The following LRRC37A2 variants were observed in gnomAD, a reference collection of about 807,000 sequenced individuals.
The protein encoded by LRRC37A2 is leucine rich repeat containing 37 member A2.
LRRC37A2 carries 9 observed loss-of-function variants against 68.8 expected under a neutral mutation model. That is an observed-to-expected ratio of 0.13 (90% CI 0.08 to 0.23). The LOEUF (loss-of-function observed/expected upper bound fraction) is 0.23. Among genes scored for constraint, LRRC37A2 ranks in the 10% least tolerant of loss-of-function variants. The pLI is 1.00. For missense variants in LRRC37A2, 168 were observed against 950.4 expected, an observed-to-expected ratio of 0.18 and a Z score of 10.82; for synonymous variants, 63 against 367.6, an observed-to-expected ratio of 0.17 and a Z score of 9.48.
chr17:46,806,336 A>G, the LRRC37A2 span, among the ~76,000 whole-genome samples: 1 of 146,332 alleles, frequency 6.8e-6, no homozygotes, highest in African/African-American at 2.5e-5. Flanking sequence ...CAGCCTCCCC[A>G]GTAGCTGGGA....
chr17:46,392,509 TTCTCTCTC>T, the LRRC37A2 span, among the ~76,000 whole-genome samples: 1 of 42,354 alleles, frequency 2.4e-5, no homozygotes, highest in East Asian at 7.5e-4. Flanking sequence ...TTTTCTCTCT[TTCTCTCTC>T]TCTCTCTCTC....
chr17:46,835,996 T>C, the LRRC37A2 span, among the ~76,000 whole-genome samples: 5 of 151,874 alleles, frequency 3.3e-5, 1 homozygote, highest in South Asian at 1.0e-3. Flanking sequence ...GACCTTAAAG[T>C]TATTGTGCCC....
chr17:46,847,453 G>T, the LRRC37A2 span, among the ~76,000 whole-genome samples: 11 of 152,356 alleles, frequency 7.2e-5, no homozygotes, highest in Admixed American at 2.0e-4. Context: ...CAAGGGCATT[G>T]CCAATACAGT....
intron 10 of LRRC37A2, among the ~76,000 whole-genome samples, chr17:46,550,163 A>G (rs1323677647): frequency 3.6e-5 from 1 of 28,004 alleles, no homozygotes; most frequent in Non-Finnish European, 7.9e-5. Flanking sequence ...AAAAAATAAG[A>G]AAATTAGCTG....
the LRRC37A2 span, among the ~76,000 whole-genome samples, chr17:46,770,800 C>T: frequency 6.6e-6 from 1 of 152,220 alleles, no homozygotes; most frequent in Non-Finnish European, 1.5e-5. Context: ...GTGCTCCAGC[C>T]TCCTCACAAC....
exon 10 of LRRC37A2, chr17:46,548,696 G>A: frequency 2.5e-6 from 4 of 1,609,110 alleles, no homozygotes; most frequent in African/African-American, 2.8e-5. Flanking sequence ...GGAAGGCAGA[G>A]CATCAGGAGG....
the LRRC37A2 span, among the ~76,000 whole-genome samples, chr17:46,679,610 T>G: frequency 1.5e-5 from 2 of 135,254 alleles, no homozygotes; most frequent in Non-Finnish European, 3.1e-5. Flanking sequence ...GAGAATTGCT[T>G]GAACCCGGGA....
chr17:46,905,545 G>A, the LRRC37A2 span, among the ~76,000 whole-genome samples: 2 of 152,244 alleles, frequency 1.3e-5, no homozygotes, highest in Admixed American at 1.3e-4. Flanking sequence ...ATGAAGAAGA[G>A]AGCAAGCCCT....
At chr17:46,491,026 C>G in the LRRC37A2 span, among the ~76,000 whole-genome samples, 2 of 150,654 alleles carry the variant, frequency 1.3e-5, no homozygotes, top group Non-Finnish European at 2.9e-5. Flanking sequence ...TCCTGAGTAG[C>G]TGGGACTACA....
chr17:46,845,296 C>T, the LRRC37A2 span, among the ~76,000 whole-genome samples: 1 of 152,050 alleles, frequency 6.6e-6, no homozygotes, highest in Non-Finnish European at 1.5e-5. Context: ...CCTGCTGCTC[C>T]GTGCCACCTG....
chr17:46,972,656 A>G, the LRRC37A2 span, among the ~76,000 whole-genome samples: 2 of 152,206 alleles, frequency 1.3e-5, no homozygotes, highest in African/African-American at 2.4e-5. Flanking sequence ...CTCCCCTGCA[A>G]AGTGAGCCCC....
the LRRC37A2 span, among the ~76,000 whole-genome samples, chr17:46,776,861 C>T: frequency 2.8e-4 from 43 of 152,240 alleles, no homozygotes; most frequent in African/African-American, 1.0e-3. Flanking sequence ...ACTCGGAGAC[C>T]CTTCCTCTGC....
the LRRC37A2 span, among the ~76,000 whole-genome samples, chr17:46,774,104 C>T: frequency 1.3e-5 from 2 of 152,248 alleles, no homozygotes; most frequent in African/African-American, 2.4e-5. Context: ...CGCAAGTCAG[C>T]CCTCTGGCTG....
At chr17:46,730,048 C>T in the LRRC37A2 span, among the ~76,000 whole-genome samples, 1 of 151,976 alleles carries the variant, frequency 6.6e-6, no homozygotes, top group East Asian at 1.9e-4. Context: ...TCTCTGATTC[C>T]TGCAATATTT....
chr17:46,844,879 C>T, the LRRC37A2 span, among the ~76,000 whole-genome samples: 29,761 of 151,322 alleles, frequency 0.2, 3,589 homozygotes, highest in East Asian at 0.5. Flanking sequence ...GAGTTTTGCT[C>T]TTGTTGCCCC....
chr17:46,997,144 A>G, the LRRC37A2 span, among the ~76,000 whole-genome samples: 55 of 152,284 alleles, frequency 3.6e-4, no homozygotes, highest in African/African-American at 9.6e-4. Context: ...TGAGCTCAGG[A>G]GTTCGAGACC....
the LRRC37A2 span, among the ~76,000 whole-genome samples, chr17:46,740,270 CAATGTGGGCTCTGT>C: frequency 6.6e-6 from 1 of 152,068 alleles, no homozygotes; most frequent in Non-Finnish European, 1.5e-5. Flanking sequence ...CCTAAAGGAG[CAATGTGGGCTCTGT>C]AGGGTTAAAT....
the LRRC37A2 span, among the ~76,000 whole-genome samples, chr17:47,016,064 C>A: frequency 6.6e-6 from 1 of 152,134 alleles, no homozygotes; most frequent in African/African-American, 2.4e-5. Flanking sequence ...CCTGCTTTGG[C>A]CTCCTGAGTA....
chr17:46,711,049 T>C, the LRRC37A2 span: 1 of 1,590,012 alleles, frequency 6.3e-7, no homozygotes, highest in Non-Finnish European at 8.5e-7. Flanking sequence ...GAGTTCTAGA[T>C]GATGGGGAGC....
Sources: gnomAD v4.1 joint callset for allele counts (sites outside exome capture counted in the v4.1 genomes callset) on GRCh38, gnomAD v4.1.1 for gene constraint, MANE v1.5 for transcripts, NCBI Gene and HGNC (gene_info 2026-07-23, HGNC 2026-07-21) for gene names.